Variants in REV3L observed in about 807,000 individuals in gnomAD.
REV3L encodes the protein DNA polymerase zeta catalytic subunit.
Under a neutral mutation model 299.4 loss-of-function variants are expected in REV3L, and 69 were observed. The observed-to-expected ratio is 0.23, with a 90% CI of 0.19 to 0.28. REV3L has a LOEUF of 0.28. Ranked by LOEUF, REV3L falls within the 10% of genes least tolerant of loss-of-function variation. REV3L has a pLI of 1.00. For synonymous variants in REV3L, 1,238 were observed against 1,271.4 expected, an observed-to-expected ratio of 0.97 and a Z score of 0.56; for missense variants, 3,128 against 3,693.8, an observed-to-expected ratio of 0.85 and a Z score of 3.97.
chr6:111,363,973 T>C lies in REV3L; in HGVS notation c.6759A>G (p.Gln2253=). The C allele has an allele frequency of 1.2e-6, 2 of 1,605,084 alleles. No homozygotes were observed. Among genetic ancestry groups the C allele is most frequent in the Non-Finnish European group, 1.7e-6 (2 of 1,177,156 alleles). ...TCTGTGGGGTATTTACTGCTGCAAA[T>C]TGATTCTATAAAAAAAAACACACAC... ...RRVLLTQAKN[Q]FAAVNTPQKE... is the part of the protein sequence containing the mutation. The change falls in exon 16 of 32, where the codon CAA becomes CAG. Residue 2253 remains glutamine (Q), a synonymous_variant. Coordinates refer to ENST00000368802, the MANE Select transcript of REV3L (RefSeq NM_001372078.1).
chr6:111,455,398 A>G (rs1409782997), intron 1 of REV3L, among the ~76,000 whole-genome samples: 1 of 152,216 alleles, frequency 6.6e-6, no homozygotes, highest in Non-Finnish European at 1.5e-5. Flanking sequence ...AGCAAGAGCA[A>G]GCAGTTCAGA....
intron 18 of REV3L, among the ~76,000 whole-genome samples, chr6:111,352,004 C>G (rs463854): frequency 0.4 from 60,049 of 150,306 alleles, 14,387 homozygotes; most frequent in Non-Finnish European, 0.54. Flanking sequence ...TACTTTGTTT[C>G]TTTCTTTCTT....
At chr6:111,415,397 G>A (rs1048518630) in intron 2 of REV3L, among the ~76,000 whole-genome samples, 1 of 152,192 alleles carries the variant, frequency 6.6e-6, no homozygotes, top group Non-Finnish European at 1.5e-5. Flanking sequence ...CAGTCATAGG[G>A]TAAGAGTAGC....
At chr6:111,406,242 G>T (rs1357615049) in intron 3 of REV3L, among the ~76,000 whole-genome samples, 1 of 152,150 alleles carries the variant, frequency 6.6e-6, no homozygotes, top group African/African-American at 2.4e-5. Context: ...TGAAGAGAGG[G>T]AAGAGTATTC....
chr6:111,422,907 C>G (rs1408732980), intron 1 of REV3L, among the ~76,000 whole-genome samples: 1 of 151,322 alleles, frequency 6.6e-6, no homozygotes, highest in Non-Finnish European at 1.5e-5. Context: ...ATATACAGAA[C>G]TTTATCTAGA....
chr6:111,362,564 A>C (rs1778805019), intron 16 of REV3L, among the ~76,000 whole-genome samples: 1 of 152,182 alleles, frequency 6.6e-6, no homozygotes, highest in Non-Finnish European at 1.5e-5. Context: ...AAAAAATAAA[A>C]ATAGGTTAAT....
At chr6:111,466,369 T>C (rs1254209273) in intron 1 of REV3L, among the ~76,000 whole-genome samples, 1 of 152,134 alleles carries the variant, frequency 6.6e-6, no homozygotes, top group Non-Finnish European at 1.5e-5. Flanking sequence ...AGCAAACCCA[T>C]TCCATGACAC....
At chr6:111,335,709 G>T in intron 21 of REV3L, 99 bp from the exon 22 acceptor site, 1 of 1,186,876 alleles carries the variant, frequency 8.4e-7, no homozygotes, top group Non-Finnish European at 1.2e-6. Flanking sequence ...CTAAAAGTGA[G>T]GTTACTTAAG....
intron 1 of REV3L, among the ~76,000 whole-genome samples, chr6:111,450,233 C>G (rs957522666): frequency 6.6e-6 from 1 of 152,024 alleles, no homozygotes; most frequent in Non-Finnish European, 1.5e-5. Flanking sequence ...AATCCCAGCT[C>G]TTTGGGAGGC....
At chr6:111,449,427 G>C (rs1410421598) in intron 1 of REV3L, among the ~76,000 whole-genome samples, 1 of 152,118 alleles carries the variant, frequency 6.6e-6, no homozygotes, top group Non-Finnish European at 1.5e-5. Flanking sequence ...TAGATCTGCA[G>C]AGGGTTCCCT....
At chr6:111,338,800 T>C (rs1342375626) in intron 21 of REV3L, among the ~76,000 whole-genome samples, 1 of 152,142 alleles carries the variant, frequency 6.6e-6, no homozygotes, top group Non-Finnish European at 1.5e-5. Context: ...TCAAAAGAAA[T>C]ATTTTTACTA....
chr6:111,335,451 A>G lies in REV3L; in HGVS notation c.7680+18T>C, dbSNP rs200264725. ...CTCATACAGAACTTTCAAGTCTGCA[A>G]GAAAACTGATTTCCCACCTGTGAAC... On this transcript the variant is annotated intron_variant, in intron 22 of 31. Coordinates refer to ENST00000368802, the MANE Select transcript of REV3L (RefSeq NM_001372078.1). The G allele has an allele frequency of 8.0e-5, 128 of 1,603,614 alleles. No homozygotes were observed. The highest frequency in any genetic ancestry group is 1.7e-5 in the Admixed American group (1 of 57,938).
At chr6:111,320,404 C>A (rs1314907877) in intron 26 of REV3L, among the ~76,000 whole-genome samples, 1 of 152,150 alleles carries the variant, frequency 6.6e-6, no homozygotes, top group East Asian at 1.9e-4. Context: ...TACCTATTAT[C>A]CCAAGAGCAG....
chr6:111,481,452 T>C (rs1793628916), intron 1 of REV3L, among the ~76,000 whole-genome samples: 2 of 152,248 alleles, frequency 1.3e-5, no homozygotes, highest in Admixed American at 6.5e-5. Context: ...ATCAAAATCA[T>C]ATTCACTAGT....
chr6:111,317,805 T>G (rs956008866), intron 26 of REV3L, among the ~76,000 whole-genome samples: 1 of 152,264 alleles, frequency 6.6e-6, no homozygotes, highest in African/African-American at 2.4e-5. Context: ...TCTAAGTAAA[T>G]AAATAAAAAT....
At chr6:111,366,761 GGA>G (rs1779260350) in intron 14 of REV3L, among the ~76,000 whole-genome samples, 1 of 152,148 alleles carries the variant, frequency 6.6e-6, no homozygotes, top group Non-Finnish European at 1.5e-5. Flanking sequence ...TTGAAGGGGA[GGA>G]GAAAGAGTAG....
chr6:111,459,104 A>C (rs1483104651), intron 1 of REV3L, among the ~76,000 whole-genome samples: 2 of 152,150 alleles, frequency 1.3e-5, no homozygotes, highest in African/African-American at 4.8e-5. Flanking sequence ...AATAAAACAG[A>C]ATAGACAACC....
At chr6:111,327,087 G>C (rs537948633) in intron 25 of REV3L, among the ~76,000 whole-genome samples, 1 of 152,276 alleles carries the variant, frequency 6.6e-6, no homozygotes, top group South Asian at 2.1e-4. Flanking sequence ...ACTCCCTGGT[G>C]AAACCCTATT....
chr6:111,478,881 A>G (rs1793266316), intron 1 of REV3L, among the ~76,000 whole-genome samples: 1 of 152,180 alleles, frequency 6.6e-6, no homozygotes, highest in African/African-American at 2.4e-5. Flanking sequence ...AGCTCCCTCT[A>G]TAGTCTGTCT....
Sources: allele counts gnomAD v4.1 joint callset (sites outside exome capture counted in the v4.1 genomes callset), GRCh38; gene constraint gnomAD v4.1.1; transcripts MANE v1.5; gene names NCBI Gene and HGNC (gene_info 2026-07-23, HGNC 2026-07-21).